The following FAF2 variants were observed in gnomAD, a reference collection of about 807,000 sequenced individuals.
FAF2 encodes FAS-associated factor 2.
A neutral mutation model predicts 62.3 loss-of-function variants in FAF2; 9 were observed. The ratio of observed to expected loss-of-function variants is 0.14; its 90% CI spans 0.09 to 0.25. FAF2 has a LOEUF of 0.25. Ranked by LOEUF, FAF2 falls within the 10% of genes least tolerant of loss-of-function variation. FAF2 has a pLI of 1.00. For synonymous variants in FAF2, 202 were observed against 198.0 expected (o/e 1.02, Z -0.17); for missense variants, 368 against 556.2 (o/e 0.66, Z 3.40).
rs1758934100 is a variant in FAF2 at position 176,489,482 on chromosome 5, C to T, written c.344+455C>T. On this transcript the variant is annotated intron_variant, in intron 4 of 10. Coordinates refer to ENST00000261942, the MANE Select transcript of FAF2 (RefSeq NM_014613.3). Reference sequence around the variant, plus strand: ...AGATTACCCAGTTTGCCCTTGATTCCTCCCACAATAGTTGGACCTCCCTAG... The same window carrying T: ...AGATTACCCAGTTTGCCCTTGATTCTTCCCACAATAGTTGGACCTCCCTAG... Among the ~76,000 whole-genome samples the T allele has an allele frequency of 2.6e-5, 4 of 152,278 alleles. No individual in the cohort carries two copies. In the South Asian group the frequency reaches 8.3e-4, roughly 32 times the overall value.
chr5:176,478,439 A>C (rs749915016), intron 1 of FAF2, among the ~76,000 whole-genome samples: 1 of 152,064 alleles, frequency 6.6e-6, no homozygotes, highest in African/African-American at 2.4e-5. Flanking sequence ...TCATTGCGCT[A>C]TTGCACTCCA....
chr5:176,486,007 T>A (rs913254100), intron 2 of FAF2, among the ~76,000 whole-genome samples: 1 of 152,226 alleles, frequency 6.6e-6, no homozygotes, highest in Non-Finnish European at 1.5e-5. Flanking sequence ...CTGCCTACAT[T>A]GTATTCTCTG....
At position 176,492,224 on chromosome 5, in the gene FAF2, T is replaced by TCGCAGCCGGGTCACTGACCCC; in HGVS notation, c.376_396dup (p.Arg126_Pro132dup). ...CTCTTCGTTTTATACGGCCTGACCC[T>TCGCAGCCGGGTCACTGACCCC]CGCAGCCGGGTCACTGACCCCGTTG... On this transcript the variant is annotated inframe_insertion, in exon 5 of 11. Transcript: ENST00000261942. The TCGCAGCCGGGTCACTGACCCC allele has an allele frequency of 6.2e-7, 1 of 1,614,148 alleles. No homozygotes were observed. The highest frequency in any genetic ancestry group is 1.1e-5 in the South Asian group (1 of 91,072).
At chr5:176,493,970 A>G (rs1404713071) in intron 5 of FAF2, 29 bp from the exon 6 acceptor site, 1 of 1,524,312 alleles carries the variant, frequency 6.6e-7, no homozygotes, top group Non-Finnish European at 9.1e-7. Context: ...CAGTCTTCTT[A>G]ATAGTGAGTG....
At chr5:176,455,671 C>G (rs1014625327) in intron 1 of FAF2, among the ~76,000 whole-genome samples, 20 of 151,808 alleles carry the variant, frequency 1.3e-4, no homozygotes, top group African/African-American at 4.6e-4. Flanking sequence ...ATTGCTTGAA[C>G]CTGGGAGGCA....
intron 8 of FAF2, 143 bp from the exon 9 acceptor site, chr5:176,498,771 T>C (rs1302414637): frequency 1.5e-6 from 1 of 684,636 alleles, no homozygotes; most frequent in Non-Finnish European, 2.1e-6. Context: ...GCTTTTGGAA[T>C]CCCTTATGGC....
chr5:176,478,348 G>A (rs186506369), intron 1 of FAF2, among the ~76,000 whole-genome samples: 2 of 152,246 alleles, frequency 1.3e-5, no homozygotes, highest in East Asian at 3.9e-4. Flanking sequence ...GTGTGGTGGT[G>A]CACACCTGCA....
chr5:176,455,309 C>T (rs540836449), intron 1 of FAF2, among the ~76,000 whole-genome samples: 5 of 152,102 alleles, frequency 3.3e-5, no homozygotes, highest in South Asian at 4.2e-4. Flanking sequence ...GTCGTAGTGG[C>T]GCATGCCTGT....
Position 176,488,944 on chromosome 5 carries a change from C to G in FAF2, c.268-7C>G, listed in dbSNP as rs755602902. On this transcript the variant is annotated splice_region_variant and splice_polypyrimidine_tract_variant and intron_variant, in intron 3 of 10. Transcript: ENST00000261942. The stretch of plus-strand genomic sequence containing the variant: ...AATTGTCTCTAACTTTGTTTTTGGA[C>G]TTTCAGGGGCTGCTTGGATGGGGTT... 1 of 1,612,858 alleles carries G rather than the reference C, an allele frequency of 6.2e-7. No individual in the cohort carries two copies. Among genetic ancestry groups the G allele is most frequent in the South Asian group, 1.1e-5 (1 of 90,890 alleles).
intron 1 of FAF2, among the ~76,000 whole-genome samples, chr5:176,477,566 T>C (rs1257988670): frequency 2.0e-5 from 3 of 152,200 alleles, no homozygotes; most frequent in Admixed American, 1.3e-4. Context: ...GACTCAGAAC[T>C]GTCAAAGCCA....
intron 1 of FAF2, among the ~76,000 whole-genome samples, chr5:176,467,239 A>G (rs1581471576): frequency 1.3e-5 from 2 of 149,656 alleles, no homozygotes; most frequent in African/African-American, 4.9e-5. Context: ...TTAGAGAGAG[A>G]AGGGGGTGCC....
intron 1 of FAF2, among the ~76,000 whole-genome samples, chr5:176,449,901 C>T (rs1033116317): frequency 2.0e-5 from 3 of 152,130 alleles, no homozygotes; most frequent in African/African-American, 7.2e-5. Flanking sequence ...CTGTTCTAGT[C>T]CCTGATTTAC....
chr5:176,489,143 A>C, intron 4 of FAF2, 116 bp downstream of exon 4: 2 of 675,014 alleles, frequency 3.0e-6, no homozygotes, highest in Non-Finnish European at 2.6e-6. Flanking sequence ...CATGAGATGG[A>C]ATACACTTCC....
chr5:176,506,710 T>C (rs112750383), intron 10 of FAF2, 58 bp from the exon 11 acceptor site: 14 of 1,366,888 alleles, frequency 1.0e-5, no homozygotes, highest in African/African-American at 1.0e-4. Flanking sequence ...TGTGTGCGTG[T>C]GTGTGTGTGT....
At chr5:176,496,126 T>C (rs1441707680) in intron 7 of FAF2, among the ~76,000 whole-genome samples, 2 of 152,166 alleles carry the variant, frequency 1.3e-5, no homozygotes, top group Non-Finnish European at 2.9e-5. Context: ...AAGCCTGTCC[T>C]ATTCTAGTCA....
intron 1 of FAF2, chr5:176,453,224 TGC>T (rs1328604996): frequency 6.6e-6 from 1 of 152,248 alleles, no homozygotes; most frequent in Non-Finnish European, 1.5e-5. Context: ...GGAGAGCTAA[TGC>T]AGGTATGTGG....
intron 1 of FAF2, among the ~76,000 whole-genome samples, chr5:176,461,484 A>ATT (rs140514579): frequency 1.3e-5 from 2 of 150,078 alleles, no homozygotes; most frequent in Non-Finnish European, 3.0e-5. Context: ...CACTGGGCTA[A>ATT]TTTTTTTTAT....
intron 1 of FAF2, among the ~76,000 whole-genome samples, chr5:176,460,969 G>C (rs1487053744): frequency 6.6e-6 from 1 of 151,748 alleles, no homozygotes; most frequent in African/African-American, 2.4e-5. Context: ...AAAAAAGAAA[G>C]AAGTGTCTGT....
intron 1 of FAF2, among the ~76,000 whole-genome samples, chr5:176,463,366 C>T (rs1260206048): frequency 6.7e-6 from 1 of 149,784 alleles, no homozygotes; most frequent in Non-Finnish European, 1.5e-5. Context: ...GCCTGGGCAA[C>T]AGAGTGAGAC....
Sources: gnomAD v4.1 joint callset for allele counts (sites outside exome capture counted in the v4.1 genomes callset) on GRCh38, gnomAD v4.1.1 for gene constraint, MANE v1.5 for transcripts, NCBI Gene and HGNC (gene_info 2026-07-23, HGNC 2026-07-21) for gene names.